The following GRID2 variants were observed in gnomAD, a reference collection of about 807,000 sequenced individuals.
The protein encoded by GRID2 is glutamate ionotropic receptor delta type subunit 2, also known as glutamate receptor ionotropic, delta-2.
Under a neutral mutation model 114.8 loss-of-function variants are expected in GRID2, and 33 were observed. The observed-to-expected ratio is 0.29, with a 90% CI of 0.22 to 0.38. The LOEUF (loss-of-function observed/expected upper bound fraction) is 0.38, where lower values mean the gene tolerates loss of function less well. Among genes scored for constraint, GRID2 ranks in the 10% least tolerant of loss-of-function variants. The pLI, the probability that GRID2 is intolerant of heterozygous loss-of-function variation, is 1.00. For missense variants in GRID2, 1,184 were observed against 1,257.7 expected (o/e 0.94, Z 0.89); for synonymous variants, 505 against 449.9 (o/e 1.12, Z -1.55).
intron 2 of GRID2, among the ~76,000 whole-genome samples, chr4:93,021,443 A>AGG (rs1170033997): frequency 6.7e-6 from 1 of 149,606 alleles, no homozygotes; most frequent in Non-Finnish European, 1.5e-5. Context: ...TAGATATTTA[A>AGG]TTTTAAAAAT....
chr4:92,370,091 A>T (rs1388430150), intron 1 of GRID2, among the ~76,000 whole-genome samples: 1 of 152,134 alleles, frequency 6.6e-6, no homozygotes, highest in Non-Finnish European at 1.5e-5. Context: ...ACATGTGCTC[A>T]CTTCATGTCT....
rs138743989 is a variant in GRID2 at position 92,656,635 on chromosome 4, A to G, written c.244+66349A>G. ...TCTAATCATAGAAAGTAGTTCTAAT[A>G]CCACATATGACTCTAAACCTACAAT... On this transcript the variant is annotated intron_variant, in intron 2 of 15. Coordinates refer to ENST00000282020, the MANE Select transcript of GRID2 (RefSeq NM_001510.4). Among the ~76,000 whole-genome samples the G allele has an allele frequency of 4.6e-5, 7 of 151,862 alleles. No individual in the cohort carries two copies. The East Asian group carries it at 5.8e-4, about 13-fold the overall frequency.
intron 1 of GRID2, among the ~76,000 whole-genome samples, chr4:92,410,835 A>ATTTT (rs5860274): frequency 2.0e-4 from 23 of 117,870 alleles, no homozygotes; most frequent in African/African-American, 6.8e-4. Flanking sequence ...CTGCAAAAGC[A>ATTTT]TTTTTTTTTT....
intron 8 of GRID2, among the ~76,000 whole-genome samples, chr4:93,258,666 A>G (rs1749899642): frequency 6.6e-6 from 1 of 151,852 alleles, no homozygotes; most frequent in African/African-American, 2.4e-5. Flanking sequence ...CAAAATATCC[A>G]TAAGGTGCTA....
At chr4:92,979,833 T>G (rs1250992626) in intron 2 of GRID2, among the ~76,000 whole-genome samples, 1 of 152,126 alleles carries the variant, frequency 6.6e-6, no homozygotes, top group Non-Finnish European at 1.5e-5. Flanking sequence ...TTTAGCAAAT[T>G]TAGCTCAGCT....
chr4:93,163,399 T>TATATATATATATAC, intron 4 of GRID2, among the ~76,000 whole-genome samples: 1 of 49,138 alleles, frequency 2.0e-5, no homozygotes. Context: ...TATATATATA[T>TATATATATATATAC]ACACTATATA....
chr4:93,783,857 G>T (rs1734531930), intron 1 of GRID2, among the ~76,000 whole-genome samples: 1 of 151,644 alleles, frequency 6.6e-6, no homozygotes, highest in African/African-American at 2.4e-5. Context: ...CGGATCACGA[G>T]GTCAGGAGAT....
chr4:93,087,253 G>A (rs1287493292), intron 3 of GRID2, among the ~76,000 whole-genome samples: 1 of 151,750 alleles, frequency 6.6e-6, no homozygotes, highest in Non-Finnish European at 1.5e-5. Context: ...TGTTAGCCAG[G>A]ATGGTCTCGA....
At chr4:92,802,140 T>G (rs1740202669) in intron 2 of GRID2, among the ~76,000 whole-genome samples, 1 of 151,942 alleles carries the variant, frequency 6.6e-6, no homozygotes, top group Non-Finnish European at 1.5e-5. Context: ...ACAATATTTT[T>G]TAGAGAAGTT....
At chr4:93,020,327 T>G (rs1253644863) in intron 2 of GRID2, among the ~76,000 whole-genome samples, 2 of 152,190 alleles carry the variant, frequency 1.3e-5, no homozygotes, top group Non-Finnish European at 2.9e-5. Flanking sequence ...TAGATGACTT[T>G]TATTTTAATA....
intron 2 of GRID2, among the ~76,000 whole-genome samples, chr4:92,756,559 A>C (rs915870123): frequency 2.0e-5 from 3 of 152,116 alleles, no homozygotes; most frequent in African/African-American, 7.2e-5. Context: ...TTGTATTCCC[A>C]CCAACAATGT....
rs1188594273 is a variant in GRID2 at position 93,580,735 on chromosome 4, C to T, written c.2194-45534C>T. On this transcript the variant is annotated intron_variant, in intron 13 of 15. Coordinates refer to ENST00000282020, the MANE Select transcript of GRID2 (RefSeq NM_001510.4). ...AAGTGGAAAGTGAGATCCTCTTCCC[C>T]AGTCCCTGGCAAAGAGCATTTTTTT... is the stretch of plus-strand genomic sequence containing the variant. Among the ~76,000 whole-genome samples the T allele has an allele frequency of 2.0e-5, 3 of 151,700 alleles. No homozygotes were observed. In the East Asian group the frequency reaches 5.8e-4, roughly 29 times the overall value.
intron 2 of GRID2, among the ~76,000 whole-genome samples, chr4:92,661,754 A>G (rs1732531125): frequency 6.6e-6 from 1 of 151,002 alleles, no homozygotes; most frequent in South Asian, 2.1e-4. Context: ...TAATTTCTCA[A>G]CTGAAATAAT....
At chr4:93,778,389 T>C (rs1734411226), downstream of GRID2, among the ~76,000 whole-genome samples, 1 of 146,012 alleles carries the variant, frequency 6.8e-6, no homozygotes, top group South Asian at 2.2e-4. Context: ...CTTATCTCAT[T>C]TGGCTTTTTT....
intron 8 of GRID2, among the ~76,000 whole-genome samples, chr4:93,241,015 A>T (rs1006861479): frequency 1.4e-4 from 22 of 151,728 alleles, no homozygotes; most frequent in African/African-American, 5.3e-4. Context: ...TAGTATTTAC[A>T]CATTTGTGTC....
intron 2 of GRID2, among the ~76,000 whole-genome samples, chr4:92,875,149 G>GTTTTTTT: frequency 1.2e-5 from 1 of 84,990 alleles, no homozygotes; most frequent in Non-Finnish European, 2.3e-5. Flanking sequence ...AACTCAAAAG[G>GTTTTTTT]TTTTTTTTTT....
chr4:92,436,944 A>G (rs1304090165), intron 1 of GRID2, among the ~76,000 whole-genome samples: 1 of 152,192 alleles, frequency 6.6e-6, no homozygotes. Context: ...TACTAAATAC[A>G]ATAGTATAAA....
In GRID2 at chr4:92,860,474, A is replaced by G. The variant is rs192170262; in HGVS notation, c.245-224521A>G. On this transcript the variant is annotated intron_variant, in intron 2 of 15. Coordinates refer to ENST00000282020, the MANE Select transcript of GRID2 (RefSeq NM_001510.4). Reference sequence around the variant, plus strand: ...AGGAAAAAGGCAGAGTTTTGCTATTACAATGATAGATTTGATGGCATTTCA... The same window carrying G: ...AGGAAAAAGGCAGAGTTTTGCTATTGCAATGATAGATTTGATGGCATTTCA... Among the ~76,000 whole-genome samples, 255 of 152,260 alleles carry G rather than the reference A, an allele frequency of 1.7e-3. 1 individual carries two copies. Among genetic ancestry groups the G allele is most frequent in the African/African-American group, 5.9e-3 (246 of 41,572 alleles).
At chr4:93,332,299 T>TGTGAGAGA (rs1332631052) in intron 8 of GRID2, among the ~76,000 whole-genome samples, 12 of 121,042 alleles carry the variant, frequency 9.9e-5, no homozygotes, top group African/African-American at 3.3e-4. Flanking sequence ...TGTGTGTGTG[T>TGTGAGAGA]GAGAGAGAGA....
Sources: allele counts gnomAD v4.1 joint callset (sites outside exome capture counted in the v4.1 genomes callset), GRCh38; gene constraint gnomAD v4.1.1; transcripts MANE v1.5; gene names NCBI Gene and HGNC (gene_info 2026-07-23, HGNC 2026-07-21).